The following POLA1 variants were observed in gnomAD, a reference collection of about 807,000 sequenced individuals.
POLA1 encodes DNA polymerase alpha 1, catalytic subunit.
In POLA1, 15 loss-of-function variants were observed where a neutral mutation model predicts 124.0. That is an observed-to-expected ratio of 0.12 (90% CI 0.08 to 0.19). The LOEUF (loss-of-function observed/expected upper bound fraction) is 0.19, where lower values mean the gene tolerates loss of function less well. Ranked by LOEUF, POLA1 falls within the 10% of genes least tolerant of loss-of-function variation. The pLI is 1.00. For missense variants in POLA1, 886 were observed against 1,103.4 expected (o/e 0.80, Z 2.79); for synonymous variants, 408 against 389.4 (o/e 1.05, Z -0.56).
At chrX:24,863,958 CTATTTATTTATTTATT>C (rs61095074) in intron 34 of POLA1, among the ~76,000 whole-genome samples, 17 of 96,974 alleles carry the variant, frequency 1.8e-4, no homozygotes, top group South Asian at 1.0e-3. Context: ...TTTTCTGGAA[CTATTTATTTATTTATT>C]TATTTATTTA....
intron 19 of POLA1, among the ~76,000 whole-genome samples, chrX:24,738,493 AAAG>A (rs1349823363): frequency 1.8e-5 from 2 of 111,667 alleles, no homozygotes; most frequent in Non-Finnish European, 3.8e-5. Flanking sequence ...AAAAAGGAAA[AAAG>A]AAGGCAATAA....
chrX:24,944,074 A>G (rs1266698180), intron 36 of POLA1, among the ~76,000 whole-genome samples: 3 of 112,219 alleles, frequency 2.7e-5, no homozygotes, highest in Non-Finnish European at 3.8e-5. Flanking sequence ...AGAAATCTCA[A>G]CAAGATTAGC....
At chrX:24,929,164 T>G (rs1230511635) in intron 35 of POLA1, among the ~76,000 whole-genome samples, 1 of 112,364 alleles carries the variant, frequency 8.9e-6, no homozygotes, top group East Asian at 2.8e-4. Flanking sequence ...TTTTCATCAT[T>G]AAGACCCAGC....
intron 26 of POLA1, among the ~76,000 whole-genome samples, chrX:24,766,269 T>C (rs984270516): frequency 3.6e-5 from 4 of 112,379 alleles, no homozygotes; most frequent in Non-Finnish European, 7.5e-5. Flanking sequence ...CACTGACTTA[T>C]GTGTTTGCTT....
chrX:24,934,079 A>T (rs774601588), intron 36 of POLA1, among the ~76,000 whole-genome samples: 1 of 112,044 alleles, frequency 8.9e-6, no homozygotes, highest in Non-Finnish European at 1.9e-5. Flanking sequence ...ATCCATTTCC[A>T]GGATGGCCGC....
chrX:24,794,545 G>A (rs2045572169), intron 26 of POLA1, among the ~76,000 whole-genome samples: 1 of 112,375 alleles, frequency 8.9e-6, no homozygotes. Context: ...ATGTAATGCT[G>A]TAGTACCAGA....
intron 2 of POLA1, 107 bp from the exon 3 acceptor site, chrX:24,703,144 C>T: frequency 1.9e-6 from 1 of 528,644 alleles, no homozygotes; most frequent in Non-Finnish European, 3.2e-6. Flanking sequence ...GCAGCTACTC[C>T]TTCAGTCTGC....
chrX:24,733,869 G>A (rs930534002), intron 17 of POLA1, 53 bp downstream of exon 17: 2 of 678,668 alleles, frequency 2.9e-6, no homozygotes, highest in Middle Eastern at 3.1e-4. Context: ...GAAAGAAAAG[G>A]GGGGTGGTAT....
At chrX:24,803,930 TAAAAAAAA>T (rs34721601) in intron 26 of POLA1, among the ~76,000 whole-genome samples, 2 of 13,819 alleles carry the variant, frequency 1.4e-4, no homozygotes, top group African/African-American at 3.0e-4. Flanking sequence ...ACCCTAGACT[TAAAAAAAA>T]AAAAAAAAAA....
chrX:24,712,392 G>C (rs950130300), intron 4 of POLA1, among the ~76,000 whole-genome samples: 2 of 112,084 alleles, frequency 1.8e-5, no homozygotes, highest in Non-Finnish European at 3.8e-5. Context: ...AGCCTCATAT[G>C]CATTTCTTTT....
chrX:24,738,538 T>C, intron 19 of POLA1, among the ~76,000 whole-genome samples: 1 of 112,038 alleles, frequency 8.9e-6, no homozygotes, highest in Non-Finnish European at 1.9e-5. Flanking sequence ...TTACCTCTCA[T>C]GACAACTCCA....
rs147941992 is a variant in POLA1 at position 24,932,243 on chromosome X, T to C, written c.4261+1694T>C. Among the ~76,000 whole-genome samples the C allele has an allele frequency of 7.3e-3, 825 of 112,693 alleles. 3 individuals carry two copies. The highest frequency in any genetic ancestry group is 0.025 in the African/African-American group (768 of 31,051). ...AATCTATCCATCCTAGATTGTTTTC[T>C]ATATGTTATTTGAGGGGAAAGATTC... On this transcript the variant is annotated intron_variant, in intron 36 of 36. Transcript: ENST00000379068.
intron 34 of POLA1, among the ~76,000 whole-genome samples, chrX:24,869,549 A>C (rs138111047): frequency 1.8e-5 from 2 of 112,441 alleles, no homozygotes; most frequent in African/African-American, 6.5e-5. Context: ...GCCTAGCCTG[A>C]GGGAGGCTAG....
intron 36 of POLA1, among the ~76,000 whole-genome samples, chrX:24,939,228 A>G (rs1351845577): frequency 8.9e-6 from 1 of 112,446 alleles, no homozygotes; most frequent in Non-Finnish European, 1.9e-5. Context: ...TTAGTAGGAA[A>G]AATACTAAAG....
chrX:24,972,862 C>A (rs2048319815), intron 36 of POLA1, among the ~76,000 whole-genome samples: 1 of 112,536 alleles, frequency 8.9e-6, no homozygotes, highest in Non-Finnish European at 1.9e-5. Context: ...CACTTTTTTT[C>A]ATCCACAATT....
intron 36 of POLA1, among the ~76,000 whole-genome samples, chrX:24,953,834 A>G (rs2048074430): frequency 8.9e-6 from 1 of 112,157 alleles, no homozygotes. Context: ...CTTAAAAATT[A>G]CATATTAATT....
chrX:24,940,074 C>G (rs2047894529), intron 36 of POLA1, among the ~76,000 whole-genome samples: 2 of 111,668 alleles, frequency 1.8e-5, no homozygotes, highest in African/African-American at 6.5e-5. Flanking sequence ...GCAAACGTAT[C>G]AAGAGAGCAT....
chrX:24,769,448 C>G (rs1569302688), intron 26 of POLA1, among the ~76,000 whole-genome samples: 1 of 111,584 alleles, frequency 9.0e-6, no homozygotes, highest in African/African-American at 3.3e-5. Context: ...CTTCTTAATT[C>G]CTGAATCTTG....
chrX:24,886,213 C>T (rs1237557517), intron 34 of POLA1, among the ~76,000 whole-genome samples: 1 of 111,837 alleles, frequency 8.9e-6, no homozygotes, highest in Non-Finnish European at 1.9e-5. Context: ...CCTTGCTTTC[C>T]TGTTTAGATT....
Sources: gnomAD v4.1 joint callset for allele counts (sites outside exome capture counted in the v4.1 genomes callset) on GRCh38, gnomAD v4.1.1 for gene constraint, MANE v1.5 for transcripts, NCBI Gene and HGNC (gene_info 2026-07-23, HGNC 2026-07-21) for gene names.